TPTE2: variants seen among roughly 807,000 people sequenced by gnomAD.
The protein encoded by TPTE2 is transmembrane phosphoinositide 3-phosphatase and tensin homolog 2.
In TPTE2, 53 loss-of-function variants were observed where a neutral mutation model predicts 78.6. The ratio of observed to expected loss-of-function variants is 0.67; its 90% CI spans 0.54 to 0.85. The LOEUF is 0.85. TPTE2 is among the 40% of genes least tolerant of loss of function. The pLI is 0.00. For synonymous variants in TPTE2, 175 were observed against 206.2 expected (o/e 0.85, Z 1.30); for missense variants, 461 against 623.0 (o/e 0.74, Z 2.77).
At chr13:19,448,940 T>C (rs1878007182) in intron 13 of TPTE2, among the ~76,000 whole-genome samples, 1 of 152,176 alleles carries the variant, frequency 6.6e-6, no homozygotes, top group South Asian at 2.1e-4. Context: ...TATATATAAA[T>C]AAAGGCATAC....
intron 3 of TPTE2, among the ~76,000 whole-genome samples, chr13:19,490,486 C>T (rs1880930878): frequency 6.6e-6 from 1 of 152,104 alleles, no homozygotes; most frequent in South Asian, 2.1e-4. Context: ...GTGAAAAAAA[C>T]TTAATGAATC....
At chr13:19,450,538 T>C (rs2137529792) in intron 11 of TPTE2, among the ~76,000 whole-genome samples, 194 bp from the exon 15 acceptor site, 1 of 152,340 alleles carries the variant, frequency 6.6e-6, no homozygotes, top group East Asian at 1.9e-4. Context: ...ATCCATCTCA[T>C]GTAACCTAAA....
At chr13:19,448,667 T>C (rs1348769179) in intron 13 of TPTE2, among the ~76,000 whole-genome samples, 1 of 68,278 alleles carries the variant, frequency 1.5e-5, no homozygotes, top group Non-Finnish European at 4.6e-5. Context: ...AAAGAAGAGT[T>C]GGTGAGGATG....
intron 1 of TPTE2, among the ~76,000 whole-genome samples, chr13:19,496,840 C>T (rs560375365): frequency 2.0e-5 from 3 of 152,304 alleles, no homozygotes; most frequent in South Asian, 4.1e-4. Context: ...CAGCTCCCAG[C>T]GTGAGCGACG....
At chr13:19,438,029 C>A in intron 14 of TPTE2, 63 bp downstream of exon 17, 1 of 1,573,194 alleles carries the variant, frequency 6.4e-7, no homozygotes, top group Non-Finnish European at 8.6e-7. Context: ...GTCCTACCAG[C>A]GATCTTTCAG....
At position 19,430,509 on chromosome 13, in the gene TPTE2, T is replaced by C. The variant is rs373125302; in HGVS notation, c.1261A>G (p.Lys421Glu). Residue 421 changes from lysine (K) to glutamate (E), a missense_variant, in exon 17 of 20, where the codon AAA becomes GAA. By Grantham distance (56) the Lys-to-Glu change is moderately conservative (BLOSUM62 1). Transcript: ENST00000400230. ...GAAGTACTGGAAAAGACAACCTTTT[T>C]CTCCATTACTACTTGGACTTTTAGA... 91 of 1,610,954 alleles carry C rather than the reference T, an allele frequency of 5.6e-5. 1 individual carries two copies. The South Asian group carries it at 9.5e-4, about 17-fold the overall frequency.
intron 1 of TPTE2, among the ~76,000 whole-genome samples, chr13:19,519,262 T>G (rs1172963067): frequency 6.6e-6 from 1 of 152,156 alleles, no homozygotes; most frequent in East Asian, 1.9e-4. Context: ...ATCAGGGCCT[T>G]GTCTGACATA....
At chr13:19,537,338 A>G (rs1871269598), upstream of TPTE2, among the ~76,000 whole-genome samples, 1 of 150,018 alleles carries the variant, frequency 6.7e-6, no homozygotes, top group Admixed American at 6.7e-5. Flanking sequence ...GGTTCAAGCT[A>G]TTCTCCTGCC....
chr13:19,519,700 A>T (rs911705273), intron 1 of TPTE2, among the ~76,000 whole-genome samples: 3 of 152,224 alleles, frequency 2.0e-5, no homozygotes, highest in Admixed American at 6.5e-5. Flanking sequence ...AAGTTTTGAA[A>T]TAATAAAGTG....
intron 2 of TPTE2, 131 bp downstream of exon 5, chr13:19,493,317 G>GTGGGTGGA (rs1881115532): frequency 1.5e-6 from 1 of 652,358 alleles, no homozygotes; most frequent in Admixed American, 2.5e-5. Context: ...GAAGAGAAGT[G>GTGGGTGGA]TGGATGGATG....
At chr13:19,472,788 T>C (rs530702016) in intron 6 of TPTE2, among the ~76,000 whole-genome samples, 1 of 152,352 alleles carries the variant, frequency 6.6e-6, no homozygotes, top group South Asian at 2.1e-4. Context: ...GCATTTATTG[T>C]AGTTTTCACT....
chr13:19,513,103 G>A (rs1267436592), intron 1 of TPTE2, among the ~76,000 whole-genome samples: 4 of 152,084 alleles, frequency 2.6e-5, no homozygotes, highest in Admixed American at 6.6e-5. Flanking sequence ...GTAATCTTAC[G>A]ATAAGAAATA....
At chr13:19,519,993 T>G (rs529057230) in intron 1 of TPTE2, among the ~76,000 whole-genome samples, 5 of 152,256 alleles carry the variant, frequency 3.3e-5, no homozygotes, top group African/African-American at 1.2e-4. Flanking sequence ...TGGTCTTATT[T>G]TTTAATGCTA....
intron 17 of TPTE2, among the ~76,000 whole-genome samples, chr13:19,427,338 CT>C (rs1876206184): frequency 6.6e-6 from 1 of 151,924 alleles, no homozygotes; most frequent in Non-Finnish European, 1.5e-5. Context: ...CCACCCTGGC[CT>C]CCCGAAGTGC....
At chr13:19,473,880 T>C (rs979458134) in intron 6 of TPTE2, 34 bp downstream of exon 9, 9 of 1,535,578 alleles carry the variant, frequency 5.9e-6, no homozygotes, top group Non-Finnish European at 7.9e-6. Flanking sequence ...AAGTACAAAA[T>C]AGCTTAATGC....
chr13:19,530,757 T>TCAAGTGATCCTCCCACCTCGG (rs1379363492), intron 1 of TPTE2, among the ~76,000 whole-genome samples: 1 of 152,072 alleles, frequency 6.6e-6, no homozygotes, highest in Non-Finnish European at 1.5e-5. Flanking sequence ...ACTCCTGGGC[T>TCAAGTGATCCTCCCACCTCGG]CAAGTGATCC....
rs111718378 is a variant in TPTE2, at chr13:19,464,438, T to A, written c.741+18A>T. Reference sequence around the variant, plus strand: ...ACATTCACTGAGAAATGAGTATTTGTCAGATAAAGACCCTTACCTCAATTG... The same window carrying A: ...ACATTCACTGAGAAATGAGTATTTGACAGATAAAGACCCTTACCTCAATTG... On this transcript the variant is annotated intron_variant, in intron 10 of 19. Coordinates refer to ENST00000400230, the Ensembl canonical transcript of TPTE2. The A allele has an allele frequency of 4.4e-6, 7 of 1,600,226 alleles. No individual in the cohort carries two copies. The African/African-American group carries it at 5.3e-5, about 12-fold the overall frequency.
chr13:19,560,898 A>G, the TPTE2 span: 41 of 1,581,776 alleles, frequency 2.6e-5, no homozygotes, highest in Non-Finnish European at 3.5e-5. Flanking sequence ...GTGATCTCAC[A>G]CTCGTTGGAG....
At chr13:19,508,086 A>G (rs1272872083), upstream of TPTE2, among the ~76,000 whole-genome samples, 6 of 152,296 alleles carry the variant, frequency 3.9e-5, no homozygotes, top group Middle Eastern at 3.4e-3. Context: ...CTTACTGACA[A>G]TGACACGGCT....
Sources: gnomAD v4.1 joint callset for allele counts (sites outside exome capture counted in the v4.1 genomes callset) on GRCh38, gnomAD v4.1.1 for gene constraint, MANE v1.5 for transcripts, NCBI Gene and HGNC (gene_info 2026-07-23, HGNC 2026-07-21) for gene names.